The following ADARB1 variants were observed in gnomAD, a reference collection of about 807,000 sequenced individuals.
ADARB1 encodes the protein adenosine deaminase RNA specific B1.
ADARB1 carries 10 observed loss-of-function variants against 52.4 expected under a neutral mutation model. The observed-to-expected ratio is 0.19, with a 90% confidence interval of 0.12 to 0.32. The LOEUF (loss-of-function observed/expected upper bound fraction) is 0.32. Ranked by LOEUF, ADARB1 falls within the 10% of genes least tolerant of loss-of-function variation. The probability of loss-of-function intolerance (pLI) is 1.00; values close to 1 mark genes in which losing one functional copy is unlikely to be tolerated. For missense variants in ADARB1, 643 were observed against 922.3 expected, an observed-to-expected ratio of 0.70 and a Z score of 3.92; for synonymous variants, 349 against 371.1, an observed-to-expected ratio of 0.94 and a Z score of 0.68.
In ADARB1 at chr21:45,208,503, CCG is replaced by C; in HGVS notation, c.1747+3768_1747+3769del. Among the ~76,000 whole-genome samples the C allele has an allele frequency of 6.6e-6, 1 of 152,236 alleles. No homozygotes were observed. The highest frequency in any genetic ancestry group is 2.1e-4 in the South Asian group (1 of 4,812). On this transcript the variant is annotated intron_variant, in intron 9 of 10. Transcript: ENST00000348831. This position sits in a 1 kb window ranked among gnomAD's most constrained non-coding sequence, Gnocchi z 5.6. ...AGGTGCCTGCTGAGCTGCTATCCAC[CCG>C]AGACCATTTGACATTATGGGCAGGA...
rs2092978186 is a variant in ADARB1 at position 45,222,212 on chromosome 21, A to T, written c.*15A>T. 6.6e-7 allele frequency: 1 copy of T among 1,511,288 alleles called. No individual in the cohort carries two copies. The highest frequency in any genetic ancestry group is 1.4e-5 in the African/African-American group (1 of 71,436). The allele number at this position is 1,511,288 out of a possible 1,614,324, so 93.6% of individuals were successfully genotyped here. ...TCACGCCCTGACCCGGGCAGACATGATGGGGGGTGCAGGGGGCTGTGGGCA... is the reference window on the plus strand; with the variant it reads ...TCACGCCCTGACCCGGGCAGACATGTTGGGGGGTGCAGGGGGCTGTGGGCA... On this transcript the variant is annotated 3_prime_UTR_variant, in exon 11 of 11. Coordinates refer to ENST00000348831, the MANE Select transcript of ADARB1 (RefSeq NM_001112.4).
intron 8 of ADARB1, among the ~76,000 whole-genome samples, chr21:45,192,721 A>G (rs1329971468): frequency 1.3e-5 from 2 of 152,204 alleles, no homozygotes; most frequent in Non-Finnish European, 2.9e-5. Context: ...AAGAGAGAAG[A>G]CAAAATTACC....
At position 45,200,119 on chromosome 21, in the gene ADARB1, G is replaced by A. The variant is rs1184550337; in HGVS notation, c.1566-4436G>A. On this transcript the variant is annotated intron_variant, in intron 8 of 10. Coordinates refer to ENST00000348831, the MANE Select transcript of ADARB1 (RefSeq NM_001112.4). The surrounding 1 kb of genome is among the most constrained non-coding windows in gnomAD (Gnocchi z 5.0). Reference sequence around the variant, plus strand: ...GCTCTGGGAGAGTTGAGAGTGGGGAGCAGCCACCTTGGAGGGCCAGGTGGA... The same window carrying A: ...GCTCTGGGAGAGTTGAGAGTGGGGAACAGCCACCTTGGAGGGCCAGGTGGA... Among the ~76,000 whole-genome samples, 7 of 152,194 alleles carry A rather than the reference G, an allele frequency of 4.6e-5. No individual in the cohort carries two copies. Among genetic ancestry groups the A allele is most frequent in the Admixed American group, 4.6e-4 (7 of 15,292 alleles).
At chr21:45,219,097 G>C (rs1455949568) in intron 9 of ADARB1, among the ~76,000 whole-genome samples, 1 of 151,688 alleles carries the variant, frequency 6.6e-6, no homozygotes, top group South Asian at 2.1e-4. Context: ...TAAGTACAAG[G>C]GTACTTCAAA....
chr21:45,096,295 C>T lies in ADARB1; in HGVS notation c.-220+21502C>T, dbSNP rs556636702. On this transcript the variant is annotated intron_variant, in intron 1 of 10. Transcript: ENST00000348831. ...AAGAGTGCGTGAGTTGGATTCTGTC[C>T]ACAGGGAACAGAAGCGCAAGGGACA... Among the ~76,000 whole-genome samples, 6 of 152,132 alleles carry T rather than the reference C, an allele frequency of 3.9e-5. No homozygotes were observed. In the East Asian group the frequency reaches 1.2e-3, roughly 29 times the overall value.
At chr21:45,153,062 C>G in intron 2 of ADARB1, among the ~76,000 whole-genome samples, 1 of 152,236 alleles carries the variant, frequency 6.6e-6, no homozygotes, top group East Asian at 1.9e-4. Context: ...CTTTGCCGCA[C>G]TCTTCATTAA....
At chr21:45,082,039 G>A (rs2086172713) in intron 1 of ADARB1, among the ~76,000 whole-genome samples, 1 of 152,108 alleles carries the variant, frequency 6.6e-6, no homozygotes, top group Non-Finnish European at 1.5e-5. Flanking sequence ...CTTGGTTGTG[G>A]GCAATAGATC....
At chr21:45,191,907 T>C (rs2092311704) in intron 8 of ADARB1, among the ~76,000 whole-genome samples, 1 of 130,762 alleles carries the variant, frequency 7.6e-6, no homozygotes, top group Admixed American at 7.7e-5. Flanking sequence ...TTTTTTTTTT[T>C]TTTTGTAGTT....
chr21:45,091,658 G>A (rs889061420), intron 1 of ADARB1, among the ~76,000 whole-genome samples: 12 of 152,156 alleles, frequency 7.9e-5, no homozygotes. Flanking sequence ...GCTCCCAGGG[G>A]CAGGATCCTG....
chr21:45,169,187 G>C (rs552828340), intron 2 of ADARB1, among the ~76,000 whole-genome samples: 15 of 152,356 alleles, frequency 9.8e-5, no homozygotes, highest in African/African-American at 3.6e-4. Context: ...GGCGTGGGAA[G>C]GGAAGGGGTT....
intron 1 of ADARB1, among the ~76,000 whole-genome samples, chr21:45,118,091 TTTATAGTA>T (rs2087931318): frequency 6.6e-6 from 1 of 152,238 alleles, no homozygotes; most frequent in African/African-American, 2.4e-5. Context: ...AAAAGTAACA[TTTATAGTA>T]TTATGATAGT....
At chr21:45,094,739 AG>A (rs1243590484) in intron 1 of ADARB1, among the ~76,000 whole-genome samples, 1 of 151,766 alleles carries the variant, frequency 6.6e-6, no homozygotes, top group Non-Finnish European at 1.5e-5. Flanking sequence ...GAGGGGAGAG[AG>A]GGGGGCAAAT....
chr21:45,166,213 T>C (rs2146079486), intron 2 of ADARB1, among the ~76,000 whole-genome samples: 1 of 152,340 alleles, frequency 6.6e-6, no homozygotes, highest in East Asian at 1.9e-4. Flanking sequence ...ATATTGTTTA[T>C]ACTTGTGGTT....
chr21:45,206,048 A>G (rs2092659388), intron 9 of ADARB1, among the ~76,000 whole-genome samples: 1 of 152,260 alleles, frequency 6.6e-6, no homozygotes. Context: ...TAAGAAAAAC[A>G]AAATAGATAA....
chr21:45,081,908 G>A (rs2086166754), intron 1 of ADARB1, among the ~76,000 whole-genome samples: 1 of 152,210 alleles, frequency 6.6e-6, no homozygotes, highest in African/African-American at 2.4e-5. Context: ...GAGACACAGG[G>A]GCCAGGTCCT....
At chr21:45,086,419 G>T (rs1601261160) in intron 1 of ADARB1, among the ~76,000 whole-genome samples, 1 of 152,162 alleles carries the variant, frequency 6.6e-6, no homozygotes, top group Non-Finnish European at 1.5e-5. Context: ...GAGTTGTGCA[G>T]ACATCACCAC....
chr21:45,139,734 C>T (rs1232865753), intron 2 of ADARB1, among the ~76,000 whole-genome samples: 1 of 152,210 alleles, frequency 6.6e-6, no homozygotes, highest in African/African-American at 2.4e-5. Context: ...CACTGCCTTT[C>T]TTATGCTATC....
chr21:45,093,639 C>T (rs537950249), intron 1 of ADARB1, among the ~76,000 whole-genome samples: 7 of 152,232 alleles, frequency 4.6e-5, no homozygotes, highest in South Asian at 2.1e-4. Context: ...ACTGTGTGCC[C>T]GGAGGAGGCA....
intron 8 of ADARB1, 90 bp downstream of exon 8, chr21:45,185,181 A>G: frequency 1.3e-6 from 2 of 1,499,954 alleles, no homozygotes; most frequent in Admixed American, 1.9e-5. Flanking sequence ...AACCATTTGA[A>G]TTTTGGCCCC....
Sources: gnomAD v4.1 joint callset for allele counts (sites outside exome capture counted in the v4.1 genomes callset) on GRCh38, gnomAD v4.1.1 for gene constraint, Gnocchi (gnomAD v3.1) non-coding constraint, MANE v1.5 for transcripts, NCBI Gene and HGNC (gene_info 2026-07-23, HGNC 2026-07-21) for gene names.